The following GTF2F2 variants were observed in gnomAD, a reference collection of about 807,000 sequenced individuals.
GTF2F2 encodes ATP-dependent helicase GTF2F2.
A neutral mutation model predicts 42.2 loss-of-function variants in GTF2F2; 23 were observed. The ratio of observed to expected loss-of-function variants is 0.55; its 90% CI spans 0.39 to 0.77. GTF2F2 has a LOEUF of 0.77. Among genes scored for constraint, GTF2F2 ranks in the 30% least tolerant of loss-of-function variants. GTF2F2 has a pLI of 0.00. For missense variants in GTF2F2, 261 were observed against 287.2 expected (o/e 0.91, Z 0.66); for synonymous variants, 105 against 100.8 (o/e 1.04, Z -0.25).
Position 45,177,289 on chromosome 13 carries a change from CT to C in GTF2F2, c.304+25459del, listed in dbSNP as rs1189038531. 2.0e-5 allele frequency among the ~76,000 whole-genome samples: 3 copies of C among 152,282 alleles called. No homozygotes were observed. In the East Asian group the frequency reaches 5.8e-4, roughly 29 times the overall value. ...TCTCTTCTCCAGTGGTTGATATCAT[CT>C]AGCCTTATTTTGGTAGCAAAGTTAT... On this transcript the variant is annotated intron_variant, in intron 4 of 7. Transcript: ENST00000340473.
chr13:45,283,702 C>G lies in GTF2F2; in HGVS notation c.*141C>G. On this transcript the variant is annotated 3_prime_UTR_variant, in exon 8 of 8. Coordinates refer to ENST00000340473, the MANE Select transcript of GTF2F2 (RefSeq NM_004128.3). ...ATTTCTCTCGGTAAATTTTTTAAAC[C>G]TGTAATTCTTGTAAAGTTTCTTAAC... 1.8e-6 allele frequency: 1 copy of G among 541,144 alleles called. No individual in the cohort carries two copies. 33.5% of individuals were successfully genotyped at this position (541,144 alleles called of 1,614,324 possible).
intron 6 of GTF2F2, among the ~76,000 whole-genome samples, chr13:45,255,942 T>A (rs777852681): frequency 6.6e-6 from 1 of 152,180 alleles, no homozygotes; most frequent in Admixed American, 6.5e-5. Context: ...ATATATCCTT[T>A]GACCTAGCAG....
chr13:45,240,590 G>A (rs1875238531), intron 5 of GTF2F2, among the ~76,000 whole-genome samples: 2 of 152,316 alleles, frequency 1.3e-5, no homozygotes, highest in South Asian at 4.1e-4. Flanking sequence ...CACTTTGGGA[G>A]GCCAAGGTGG....
At chr13:45,153,066 G>A (rs1366317504) in intron 4 of GTF2F2, among the ~76,000 whole-genome samples, 2 of 150,290 alleles carry the variant, frequency 1.3e-5, no homozygotes, top group Non-Finnish European at 2.9e-5. Context: ...CTGGAGTGCA[G>A]TGGAGAGATC....
At chr13:45,258,883 T>C (rs1368943055) in intron 6 of GTF2F2, among the ~76,000 whole-genome samples, 1 of 152,214 alleles carries the variant, frequency 6.6e-6, no homozygotes, top group African/African-American at 2.4e-5. Context: ...AGTCAGCTGA[T>C]GCGTAAGGTT....
At chr13:45,198,394 G>A (rs80001491) in intron 4 of GTF2F2, among the ~76,000 whole-genome samples, 4,353 of 152,250 alleles carry the variant, frequency 0.029, 189 homozygotes, top group African/African-American at 0.093. Flanking sequence ...TATCCCTCCC[G>A]ACTGGAAGAT....
At chr13:45,200,167 G>A (rs1427956532) in intron 4 of GTF2F2, among the ~76,000 whole-genome samples, 1 of 152,078 alleles carries the variant, frequency 6.6e-6, no homozygotes, top group African/African-American at 2.4e-5. Flanking sequence ...TATTTGAGCA[G>A]CTCTGTGAGC....
chr13:45,240,421 G>GT (rs1460512112), intron 5 of GTF2F2, among the ~76,000 whole-genome samples: 1 of 152,114 alleles, frequency 6.6e-6, no homozygotes, highest in Non-Finnish European at 1.5e-5. Flanking sequence ...TGTAGCTAGT[G>GT]TATGTTTTTT....
chr13:45,275,300 G>GTTT (rs1593531299), intron 7 of GTF2F2, among the ~76,000 whole-genome samples: 1 of 151,876 alleles, frequency 6.6e-6, no homozygotes, highest in East Asian at 1.9e-4. Context: ...ATAAAATGGT[G>GTTT]TTTATTATTA....
At chr13:45,133,614 T>C (rs1463991847) in intron 1 of GTF2F2, among the ~76,000 whole-genome samples, 4 of 152,214 alleles carry the variant, frequency 2.6e-5, no homozygotes, top group African/African-American at 9.6e-5. Context: ...GCAGGCCACC[T>C]GGGCGCCATA....
At chr13:45,194,108 C>T (rs1381106819) in intron 4 of GTF2F2, 4 of 1,614,020 alleles carry the variant, frequency 2.5e-6, no homozygotes, top group South Asian at 1.1e-5. Flanking sequence ...ATTCTTAATC[C>T]TTGTGAACGA....
intron 4 of GTF2F2, chr13:45,192,847 G>C (rs1566129862): frequency 6.6e-6 from 1 of 152,062 alleles, no homozygotes; most frequent in Admixed American, 6.6e-5. Flanking sequence ...CAGATACTTA[G>C]GATGATTCTG....
intron 5 of GTF2F2, among the ~76,000 whole-genome samples, chr13:45,221,272 C>A (rs1874101587): frequency 6.6e-6 from 1 of 152,042 alleles, no homozygotes; most frequent in Admixed American, 6.6e-5. Context: ...AGTCAATGAC[C>A]AAGTCCTGTT....
chr13:45,178,842 A>G (rs760528262), intron 4 of GTF2F2, among the ~76,000 whole-genome samples: 53 of 152,118 alleles, frequency 3.5e-4, no homozygotes, highest in Non-Finnish European at 6.0e-4. Flanking sequence ...TACTGTTCAC[A>G]TGATGTTGAC....
intron 5 of GTF2F2, among the ~76,000 whole-genome samples, chr13:45,240,247 G>A (rs1439018987): frequency 1.3e-5 from 2 of 151,608 alleles, no homozygotes; most frequent in Non-Finnish European, 2.9e-5. Context: ...GAAGGGAATT[G>A]CTTTTCCTTT....
Position 45,246,674 on chromosome 13 carries a change from ATACT to A in GTF2F2, c.387-6193_387-6190del, listed in dbSNP as rs1367781884. On this transcript the variant is annotated intron_variant, in intron 5 of 7. Transcript: ENST00000340473. ...TTTTTCATTAATCTTAGGATTTAAA[ATACT>A]TACGACAGTCCATATATTTCCTACT... is the stretch of plus-strand genomic sequence containing the variant. Among the ~76,000 whole-genome samples the A allele has an allele frequency of 4.6e-5, 7 of 152,334 alleles. No individual in the cohort carries two copies. In the South Asian group the frequency reaches 1.0e-3, roughly 23 times the overall value.
At chr13:45,134,622 A>C (rs555366413) in intron 1 of GTF2F2, among the ~76,000 whole-genome samples, 4 of 152,172 alleles carry the variant, frequency 2.6e-5, no homozygotes, top group Non-Finnish European at 5.9e-5. Flanking sequence ...AAATCCTCTA[A>C]GCTTGTTTGG....
chr13:45,140,298 T>C (rs912422636), intron 2 of GTF2F2, among the ~76,000 whole-genome samples: 1 of 152,150 alleles, frequency 6.6e-6, no homozygotes, highest in African/African-American at 2.4e-5. Flanking sequence ...TCCACGAATA[T>C]TGACCACTCA....
intron 2 of GTF2F2, among the ~76,000 whole-genome samples, chr13:45,145,131 A>G (rs1464339730): frequency 1.3e-5 from 2 of 152,128 alleles, no homozygotes; most frequent in African/African-American, 4.8e-5. Flanking sequence ...AAAAAAATTC[A>G]TGCCTTTCAT....
Sources: gnomAD v4.1 joint callset for allele counts (sites outside exome capture counted in the v4.1 genomes callset) on GRCh38, gnomAD v4.1.1 for gene constraint, MANE v1.5 for transcripts, NCBI Gene and HGNC (gene_info 2026-07-23, HGNC 2026-07-21) for gene names.